The following SSBP2 variants were observed in gnomAD, a reference collection of about 807,000 sequenced individuals.
SSBP2 encodes single-stranded DNA-binding protein 2.
In SSBP2, 17 loss-of-function variants were observed where a neutral mutation model predicts 61.8. The observed-to-expected ratio is 0.28, with a 90% CI of 0.19 to 0.41. The LOEUF is 0.41. Among genes scored for constraint, SSBP2 ranks in the 10% least tolerant of loss-of-function variants. The pLI is 1.00. For synonymous variants in SSBP2, 139 were observed against 141.3 expected, an observed-to-expected ratio of 0.98 and a Z score of 0.12; for missense variants, 310 against 458.7, an observed-to-expected ratio of 0.68 and a Z score of 2.96.
chr5:81,711,108 G>A (rs1161724916), intron 1 of SSBP2, among the ~76,000 whole-genome samples: 1 of 152,016 alleles, frequency 6.6e-6, no homozygotes, highest in African/African-American at 2.4e-5. Flanking sequence ...AAATAGTTAA[G>A]AGGGTATAAA....
At chr5:81,505,249 G>A (rs1053460132) in intron 5 of SSBP2, among the ~76,000 whole-genome samples, 5 of 152,168 alleles carry the variant, frequency 3.3e-5, no homozygotes, top group African/African-American at 1.2e-4. Context: ...TTGAGTGGCT[G>A]TGAGAGACCG....
chr5:81,487,510 A>G (rs918613021), intron 6 of SSBP2, among the ~76,000 whole-genome samples: 1 of 152,124 alleles, frequency 6.6e-6, no homozygotes, highest in African/African-American at 2.4e-5. Context: ...TAAAATTTGT[A>G]TGAATGCTAG....
At chr5:81,500,476 T>C (rs1313725048) in intron 5 of SSBP2, among the ~76,000 whole-genome samples, 1 of 152,072 alleles carries the variant, frequency 6.6e-6, no homozygotes, top group Non-Finnish European at 1.5e-5. Flanking sequence ...CATCTCAAAG[T>C]GCTGGAACGG....
intron 3 of SSBP2, among the ~76,000 whole-genome samples, chr5:81,624,274 A>G (rs904950086): frequency 6.6e-6 from 1 of 152,218 alleles, no homozygotes; most frequent in African/African-American, 2.4e-5. Flanking sequence ...TTTATTAAGC[A>G]TATGTATGTT....
At chr5:81,731,682 T>G (rs1207470864) in intron 1 of SSBP2, among the ~76,000 whole-genome samples, 1 of 152,104 alleles carries the variant, frequency 6.6e-6, no homozygotes, top group Non-Finnish European at 1.5e-5. Flanking sequence ...TTCCTTTCCC[T>G]TAAGAACAAT....
At chr5:81,430,989 C>T (rs1018412620) in intron 15 of SSBP2, among the ~76,000 whole-genome samples, 15 of 152,098 alleles carry the variant, frequency 9.9e-5, no homozygotes, top group African/African-American at 2.2e-4. Flanking sequence ...TGTCCGTAAT[C>T]GCTGAGTGAC....
At chr5:81,513,490 A>G (rs2154083545) in intron 5 of SSBP2, 138 bp downstream of exon 5, 1 of 556,200 alleles carries the variant, frequency 1.8e-6, no homozygotes, top group East Asian at 3.0e-5. Flanking sequence ...TAGATAACCC[A>G]TCTGAATAAT....
chr5:81,675,567 T>C (rs1458372087), intron 1 of SSBP2, among the ~76,000 whole-genome samples: 1 of 152,202 alleles, frequency 6.6e-6, no homozygotes, highest in African/African-American at 2.4e-5. Flanking sequence ...CCTTCAAACT[T>C]CATTTATTTA....
chr5:81,513,547 C>T (rs958030819), intron 5 of SSBP2, 81 bp downstream of exon 5: 5 of 855,144 alleles, frequency 5.8e-6, no homozygotes, highest in Non-Finnish European at 9.5e-6. Flanking sequence ...TTAAAATAGC[C>T]TTATCTTCCT....
intron 4 of SSBP2, among the ~76,000 whole-genome samples, chr5:81,593,082 A>G (rs186577934): frequency 1.6e-3 from 246 of 152,270 alleles, no homozygotes; most frequent in Non-Finnish European, 3.0e-3. Flanking sequence ...CAAAGAAGTT[A>G]AAAGCTTTGA....
chr5:81,494,454 T>C (rs1054115935), intron 5 of SSBP2, among the ~76,000 whole-genome samples: 3 of 152,192 alleles, frequency 2.0e-5, no homozygotes, highest in Admixed American at 6.5e-5. Context: ...GTGATGGTAT[T>C]TGGAGGTGGG....
chr5:81,489,807 C>T (rs1391442520), intron 5 of SSBP2, among the ~76,000 whole-genome samples: 4 of 151,982 alleles, frequency 2.6e-5, no homozygotes, highest in Non-Finnish European at 5.9e-5. Flanking sequence ...TTCCAAGGGT[C>T]ATCTGTAGTC....
At chr5:81,445,901 T>G (rs912183624) in intron 12 of SSBP2, among the ~76,000 whole-genome samples, 2 of 152,196 alleles carry the variant, frequency 1.3e-5, no homozygotes, top group Non-Finnish European at 2.9e-5. Flanking sequence ...CGGTTTCAAA[T>G]GAAACTGTGA....
intron 2 of SSBP2, among the ~76,000 whole-genome samples, chr5:81,647,393 C>T (rs1004243584): frequency 6.6e-5 from 10 of 152,036 alleles, no homozygotes; most frequent in African/African-American, 2.4e-4. Context: ...CTTTGGCTTT[C>T]TTCTCTTACT....
intron 1 of SSBP2, among the ~76,000 whole-genome samples, chr5:81,667,483 G>T (rs1361746444): frequency 6.6e-6 from 1 of 151,938 alleles, no homozygotes; most frequent in Non-Finnish European, 1.5e-5. Flanking sequence ...ACAGAGGCAG[G>T]GCTAACTTAG....
chr5:81,437,357 C>T, intron 15 of SSBP2, 73 bp downstream of exon 15: 1 of 1,411,586 alleles, frequency 7.1e-7, no homozygotes. Flanking sequence ...CGTAAATTTA[C>T]TCTAATAATT....
intron 3 of SSBP2, chr5:81,616,323 G>A (rs2153608321): frequency 6.8e-6 from 1 of 146,110 alleles, no homozygotes; most frequent in Admixed American, 6.9e-5. Context: ...CCCTTTCCGA[G>A]TCAAAGAAAG....
In SSBP2 at chr5:81,712,494, G is replaced by A. The variant is rs371039839; in HGVS notation, c.62+38487C>T. ...CGGGCGCCTGTAGTCCCAGCTACTC[G>A]GGAGGCTGAGGCAGGAGAATGGCGT... On this transcript the variant is annotated intron_variant, in intron 1 of 16. Transcript: ENST00000320672. Among the ~76,000 whole-genome samples the A allele has an allele frequency of 9.3e-5, 4 of 42,910 alleles. 2 individuals carry two copies. In the South Asian group the frequency reaches 3.1e-3, roughly 34 times the overall value. The allele number at this position is 42,910 out of a possible 152,430, so 28.2% of individuals were successfully genotyped here.
At chr5:81,633,362 C>G (rs1054997491) in intron 3 of SSBP2, among the ~76,000 whole-genome samples, 2 of 151,882 alleles carry the variant, frequency 1.3e-5, no homozygotes, top group African/African-American at 4.8e-5. Context: ...GTGATCCACC[C>G]GCCTCAGCCT....
Sources: allele counts gnomAD v4.1 joint callset (sites outside exome capture counted in the v4.1 genomes callset), GRCh38; gene constraint gnomAD v4.1.1; transcripts MANE v1.5; gene names NCBI Gene and HGNC (gene_info 2026-07-23, HGNC 2026-07-21).